Variants in APBA1 observed in about 807,000 individuals in gnomAD.
The protein encoded by APBA1 is amyloid beta precursor protein binding family A member 1, also known as amyloid-beta A4 precursor protein-binding family A member 1.
A neutral mutation model predicts 86.6 loss-of-function variants in APBA1; 55 were observed. The observed-to-expected ratio is 0.64, with a 90% CI of 0.51 to 0.80. APBA1 has a LOEUF of 0.80. Ranked by LOEUF, APBA1 falls within the 30% of genes least tolerant of loss-of-function variation. The pLI is 0.00. For synonymous variants in APBA1, 511 were observed against 493.9 expected, an observed-to-expected ratio of 1.03 and a Z score of -0.46; for missense variants, 1,090 against 1,183.0, an observed-to-expected ratio of 0.92 and a Z score of 1.15.
At chr9:69,461,528 C>G (rs1284221937) in intron 5 of APBA1, 1 of 152,158 alleles carries the variant, frequency 6.6e-6, no homozygotes, top group African/African-American at 2.4e-5. Context: ...GCTTACAACA[C>G]CCCTGTGAGC....
chr9:69,606,849 C>T (rs1822486786), intron 1 of APBA1, among the ~76,000 whole-genome samples: 1 of 151,946 alleles, frequency 6.6e-6, no homozygotes, highest in African/African-American at 2.4e-5. Flanking sequence ...TATTCTCAGG[C>T]CATGCTGCTT....
intron 1 of APBA1, among the ~76,000 whole-genome samples, chr9:69,542,015 AT>A (rs1347215745): frequency 6.6e-6 from 1 of 152,090 alleles, no homozygotes; most frequent in Non-Finnish European, 1.5e-5. Context: ...TATAAAAATA[AT>A]TTTTTGAAAA....
At chr9:69,613,761 T>C (rs540052484) in intron 1 of APBA1, among the ~76,000 whole-genome samples, 7 of 152,296 alleles carry the variant, frequency 4.6e-5, no homozygotes, top group Admixed American at 4.6e-4. Context: ...ATTTTACTAA[T>C]AACCACATAT....
In APBA1 at chr9:69,597,060, C is replaced by A. The variant is rs185644560; in HGVS notation, c.-70+75093G>T. Among the ~76,000 whole-genome samples the A allele has an allele frequency of 2.6e-5, 4 of 152,270 alleles. 1 individual carries two copies. The highest frequency in any genetic ancestry group is 2.6e-4 in the Admixed American group (4 of 15,290). ...CACATTCTGCTTGAGGCTGAAGGGACTAATACATTACAGAAAGATTCCCAT... is the reference window on the plus strand; with the variant it reads ...CACATTCTGCTTGAGGCTGAAGGGAATAATACATTACAGAAAGATTCCCAT... On this transcript the variant is annotated intron_variant, in intron 1 of 12. Coordinates refer to ENST00000265381, the MANE Select transcript of APBA1 (RefSeq NM_001163.4).
In APBA1 at chr9:69,536,732, TAGAC is replaced by T. The variant is rs1473383741; in HGVS notation, c.-69-19457_-69-19454del. Among the ~76,000 whole-genome samples, 331 of 138,676 alleles carry T rather than the reference TAGAC, an allele frequency of 2.4e-3. 2 individuals carry two copies. The highest frequency in any genetic ancestry group is 8.2e-3 in the African/African-American group (306 of 37,318). The allele number at this position is 138,676 out of a possible 152,430, so 91.0% of individuals were successfully genotyped here. A position where few individuals can be genotyped will look rare whatever the true frequency, so the allele number is the denominator to read the frequency against. On this transcript the variant is annotated intron_variant, in intron 1 of 12. Transcript: ENST00000265381. ...AAAAAAAAAAAAAAAAAAAAAAAAT[TAGAC>T]AGGCGTGTTCGCACACACCTGTGAT...
At chr9:69,651,338 G>C (rs960088212) in intron 1 of APBA1, among the ~76,000 whole-genome samples, 5 of 152,190 alleles carry the variant, frequency 3.3e-5, no homozygotes, top group African/African-American at 7.2e-5. Flanking sequence ...CTGGGTGGTG[G>C]TTACACAGGT....
At position 69,432,596 on chromosome 9, in the gene APBA1, CTGTCCAT is replaced by C; in HGVS notation, c.2375_2381del (p.Asn792ArgfsTer24). The C allele has an allele frequency of 6.2e-7, 1 of 1,606,962 alleles. No individual in the cohort carries two copies. Among genetic ancestry groups the C allele is most frequent in the Non-Finnish European group, 8.5e-7 (1 of 1,176,958 alleles). ...TCTCGTGGGGGGTGGCCACGACGCT[CTGTCCAT>C]TGATTTCAATGATCCGGTGCCCCAC... On this transcript the variant is annotated frameshift_variant, in exon 12 of 13. Coordinates refer to ENST00000265381, the MANE Select transcript of APBA1 (RefSeq NM_001163.4). LOFTEE classifies it high-confidence loss of function.
At position 69,516,781 on chromosome 9, in the gene APBA1, G is replaced by T. The variant is rs767220848; in HGVS notation, c.430C>A (p.Arg144Ser). The change falls in exon 2 of 13, where the codon CGC becomes AGC. Residue 144 changes from arginine (R) to serine (S), a missense_variant. Physicochemically the swap from Arg to Ser is moderately radical, Grantham distance 110. Around this residue, in one of 6 missense-constraint regions of APBA1, gnomAD observed 678 missense variants for 647.1 expected, o/e 1.05. Transcript: ENST00000265381. The surrounding 1 kb of genome is among the most constrained non-coding windows in gnomAD (Gnocchi z 7.3). ...AAGTGCAGGTGGTTGGGCAGCGCGC[G>T]GCGGTGCGTGGCCTCGGCGTGCTCG... is the stretch of plus-strand genomic sequence containing the variant. Reference protein sequence around the residue: ...EAEHAEATHRRALPNHLHFHS... With the variant: ...EAEHAEATHRSALPNHLHFHS... 1.7e-5 allele frequency: 27 copies of T among 1,610,714 alleles called. 1 individual carries two copies. In the South Asian group the frequency reaches 3.0e-4, roughly 18 times the overall value.
chr9:69,511,605 T>C (rs1266121698), intron 2 of APBA1, among the ~76,000 whole-genome samples: 2 of 151,766 alleles, frequency 1.3e-5, no homozygotes, highest in Non-Finnish European at 2.9e-5. Context: ...ATCATGCTGC[T>C]ATAAAGACAC....
chr9:69,514,235 C>A (rs1235768175), intron 2 of APBA1, among the ~76,000 whole-genome samples: 1 of 152,142 alleles, frequency 6.6e-6, no homozygotes, highest in Non-Finnish European at 1.5e-5. Context: ...GGGAAGGATA[C>A]CCTGATACCA....
intron 9 of APBA1, among the ~76,000 whole-genome samples, chr9:69,451,654 C>T (rs987763725): frequency 4.6e-5 from 7 of 152,164 alleles, no homozygotes; most frequent in African/African-American, 1.7e-4. Context: ...CATCTTCCTA[C>T]AGGCATTCCT....
intron 1 of APBA1, among the ~76,000 whole-genome samples, chr9:69,564,256 C>T (rs1054956218): frequency 6.6e-6 from 1 of 152,176 alleles, no homozygotes; most frequent in East Asian, 1.9e-4. Flanking sequence ...CCAGTGACAA[C>T]TGTAATGGCT....
chr9:69,565,489 A>G (rs1376706031), intron 1 of APBA1, among the ~76,000 whole-genome samples: 1 of 152,086 alleles, frequency 6.6e-6, no homozygotes, highest in Non-Finnish European at 1.5e-5. Flanking sequence ...ACACCTCTCC[A>G]TGGAACTTCA....
intron 1 of APBA1, among the ~76,000 whole-genome samples, chr9:69,667,695 T>C (rs1211219634): frequency 6.6e-6 from 1 of 151,754 alleles, no homozygotes; most frequent in African/African-American, 2.4e-5. Context: ...CAAGTCTTCC[T>C]ATACTAAAAA....
intron 1 of APBA1, among the ~76,000 whole-genome samples, chr9:69,671,025 G>GC (rs762016378): frequency 3.3e-5 from 5 of 151,674 alleles, no homozygotes; most frequent in African/African-American, 1.2e-4. Flanking sequence ...TTAAAAGACC[G>GC]CCCCCCGCCC....
intron 2 of APBA1, among the ~76,000 whole-genome samples, chr9:69,505,983 C>G (rs1206728432): frequency 1.3e-5 from 2 of 151,216 alleles, no homozygotes; most frequent in African/African-American, 4.9e-5. Context: ...CGCACCACTG[C>G]ACTCCAGCCT....
At chr9:69,518,018 C>T (rs1042280171) in intron 1 of APBA1, among the ~76,000 whole-genome samples, 1 of 152,168 alleles carries the variant, frequency 6.6e-6, no homozygotes, top group African/African-American at 2.4e-5. Flanking sequence ...CCAGGAGACA[C>T]TTTTTCCTAG....
In APBA1 at chr9:69,625,047, T is replaced by G. The variant is rs148009417; in HGVS notation, c.-70+47106A>C. 2.5e-3 allele frequency among the ~76,000 whole-genome samples: 385 copies of G among 152,316 alleles called. 1 individual carries two copies. Among genetic ancestry groups the G allele is most frequent in the African/African-American group, 8.8e-3 (365 of 41,574 alleles). ...TCACATTCCAGAGATCTTTGGATTT[T>G]ATCTGTGCTTAAGATAAATTCAAAT... On this transcript the variant is annotated intron_variant, in intron 1 of 12. Coordinates refer to ENST00000265381, the MANE Select transcript of APBA1 (RefSeq NM_001163.4).
intron 1 of APBA1, among the ~76,000 whole-genome samples, chr9:69,656,490 G>A (rs572199957): frequency 2.0e-5 from 3 of 152,254 alleles, no homozygotes; most frequent in African/African-American, 7.2e-5. Context: ...ATGATTCCAC[G>A]CAGATGAAGT....
Sources: allele counts gnomAD v4.1 joint callset (sites outside exome capture counted in the v4.1 genomes callset), GRCh38; gene constraint gnomAD v4.1.1; regional missense constraint gnomAD v4.1.1; non-coding constraint Gnocchi (gnomAD v3.1); transcripts MANE v1.5; gene names NCBI Gene and HGNC (gene_info 2026-07-23, HGNC 2026-07-21).